Variants in STIM2 observed in about 807,000 individuals in gnomAD.
STIM2 encodes stromal interaction molecule 2.
A neutral mutation model predicts 85.8 loss-of-function variants in STIM2; 31 were observed. The observed-to-expected ratio is 0.36, with a 90% CI of 0.27 to 0.49. The LOEUF is 0.49. STIM2 is among the 20% of genes least tolerant of loss of function. STIM2 has a pLI of 0.98. For synonymous variants in STIM2, 356 were observed against 331.1 expected (o/e 1.08, Z -0.82); for missense variants, 841 against 927.6 (o/e 0.91, Z 1.21).
chr4:26,956,538 G>A (rs1726246502), intron 2 of STIM2, among the ~76,000 whole-genome samples: 1 of 151,532 alleles, frequency 6.6e-6, no homozygotes, highest in African/African-American at 2.4e-5. Flanking sequence ...CAAACTCCTG[G>A]GCTCAAGCAA....
intron 1 of STIM2, among the ~76,000 whole-genome samples, chr4:26,885,462 A>G (rs189334093): frequency 6.6e-6 from 1 of 152,286 alleles, no homozygotes; most frequent in East Asian, 1.9e-4. Context: ...AAATGGAGTC[A>G]TCAGCATATG....
chr4:26,923,535 A>T (rs1359507069), intron 2 of STIM2, among the ~76,000 whole-genome samples: 1 of 141,990 alleles, frequency 7.0e-6, no homozygotes, highest in African/African-American at 2.6e-5. Context: ...AGCGCTAAAC[A>T]TGGAAAGGAA....
At chr4:26,946,552 TTGTG>T (rs369625295) in intron 2 of STIM2, among the ~76,000 whole-genome samples, 8 of 152,132 alleles carry the variant, frequency 5.3e-5, no homozygotes, top group Admixed American at 5.2e-4. Flanking sequence ...CCTGACTAGT[TTGTG>T]TGTGTGTGTG....
chr4:27,018,653 A>G (rs1410288385), intron 11 of STIM2, among the ~76,000 whole-genome samples: 2 of 152,168 alleles, frequency 1.3e-5, no homozygotes, highest in Non-Finnish European at 2.9e-5. Context: ...GGAATTTGGG[A>G]GCCATCTTAG....
chr4:27,001,489 T>C (rs1728153261), intron 5 of STIM2, among the ~76,000 whole-genome samples: 1 of 152,188 alleles, frequency 6.6e-6, no homozygotes, highest in African/African-American at 2.4e-5. Flanking sequence ...TAACCCAGGC[T>C]TTATCAGCCT....
At chr4:26,955,990 A>G (rs925004320) in intron 2 of STIM2, among the ~76,000 whole-genome samples, 1 of 152,272 alleles carries the variant, frequency 6.6e-6, no homozygotes, top group Admixed American at 6.5e-5. Flanking sequence ...GTTTCAGTAG[A>G]CAGCAACTCT....
chr4:26,930,890 T>C lies in STIM2; in HGVS notation c.282+11256T>C, dbSNP rs183727385. Among the ~76,000 whole-genome samples the C allele has an allele frequency of 4.6e-3, 708 of 152,282 alleles. 23 individuals carry two copies. The highest frequency in any genetic ancestry group is 0.043 in the Admixed American group (657 of 15,290). ...ACTTAGTGGCTTAAAGCAACACACA[T>C]TTCTCATTTCATGGTTTCTGTGGGT... On this transcript the variant is annotated intron_variant, in intron 2 of 11. Coordinates refer to ENST00000467087, the MANE Select transcript of STIM2 (RefSeq NM_020860.4).
chr4:26,965,551 T>TGTTA (rs1726685552), intron 3 of STIM2, among the ~76,000 whole-genome samples: 1 of 152,156 alleles, frequency 6.6e-6, no homozygotes, highest in Non-Finnish European at 1.5e-5. Flanking sequence ...CATGATCTTA[T>TGTTA]GTTAGCATTT....
In STIM2 at chr4:26,863,814, G is replaced by A. The variant is rs557608715; in HGVS notation, c.151+2445G>A. On this transcript the variant is annotated intron_variant, in intron 1 of 11. Coordinates refer to ENST00000467087, the MANE Select transcript of STIM2 (RefSeq NM_020860.4). Reference sequence around the variant, plus strand: ...TTGGTCTCTTTGTCTCCTGATTAAAGTTGTGATTTAGCTGTGAGTATTCTC... The same window carrying A: ...TTGGTCTCTTTGTCTCCTGATTAAAATTGTGATTTAGCTGTGAGTATTCTC... 2.6e-5 allele frequency among the ~76,000 whole-genome samples: 4 copies of A among 152,226 alleles called. No homozygotes were observed. The East Asian group carries it at 7.7e-4, about 29-fold the overall frequency.
At chr4:26,918,337 C>T (rs1724669628) in intron 1 of STIM2, among the ~76,000 whole-genome samples, 1 of 151,218 alleles carries the variant, frequency 6.6e-6, no homozygotes, top group Non-Finnish European at 1.5e-5. Context: ...TTCTTAGGCC[C>T]TTATAGCTGC....
chr4:26,889,942 C>G (rs1723403465), intron 1 of STIM2, among the ~76,000 whole-genome samples: 1 of 152,200 alleles, frequency 6.6e-6, no homozygotes, highest in Non-Finnish European at 1.5e-5. Flanking sequence ...TTACCATTTT[C>G]CCAATTATGT....
At chr4:26,915,907 C>T (rs534522551) in intron 1 of STIM2, among the ~76,000 whole-genome samples, 62 of 152,240 alleles carry the variant, frequency 4.1e-4, no homozygotes, top group Non-Finnish European at 8.2e-4. Context: ...TTTAAATTAG[C>T]GAGTGAATTC....
intron 1 of STIM2, among the ~76,000 whole-genome samples, chr4:26,869,061 A>G (rs1722510355): frequency 1.3e-5 from 2 of 152,114 alleles, no homozygotes. Context: ...TTTCGAGGCC[A>G]AGATGGGCAG....
chr4:26,908,335 T>G (rs1301664228), intron 1 of STIM2, among the ~76,000 whole-genome samples: 1 of 152,190 alleles, frequency 6.6e-6, no homozygotes, highest in Non-Finnish European at 1.5e-5. Context: ...TGGGCTGAAT[T>G]TCAACAAAAC....
chr4:26,966,520 G>A (rs1266822011), intron 3 of STIM2, among the ~76,000 whole-genome samples: 1 of 152,036 alleles, frequency 6.6e-6, no homozygotes, highest in East Asian at 1.9e-4. Context: ...GCTTACTTAA[G>A]TCTTTTTCCC....
At chr4:26,873,709 A>T (rs1391186659) in intron 1 of STIM2, 1 of 842,658 alleles carries the variant, frequency 1.2e-6, no homozygotes, top group Non-Finnish European at 2.0e-6. Flanking sequence ...CTCTTGGGAC[A>T]GCTTCTGGAG....
intron 2 of STIM2, 54 bp downstream of exon 2, chr4:26,919,688 T>C: frequency 6.3e-7 from 1 of 1,585,196 alleles, no homozygotes; most frequent in Non-Finnish European, 8.6e-7. Flanking sequence ...TGACTGCATT[T>C]CTGTTTCTGG....
At chr4:26,906,286 T>TG (rs1374028103) in intron 1 of STIM2, among the ~76,000 whole-genome samples, 1 of 151,828 alleles carries the variant, frequency 6.6e-6, no homozygotes, top group East Asian at 1.9e-4. Flanking sequence ...GGGTGGAGGG[T>TG]GGGAGGGAGG....
At chr4:26,895,131 G>A (rs566162183) in intron 1 of STIM2, among the ~76,000 whole-genome samples, 28 of 152,356 alleles carry the variant, frequency 1.8e-4, no homozygotes, top group Non-Finnish European at 3.4e-4. Context: ...AGAATTGCTT[G>A]AACTTGGGAG....
Sources: allele counts gnomAD v4.1 joint callset (sites outside exome capture counted in the v4.1 genomes callset), GRCh38; gene constraint gnomAD v4.1.1; transcripts MANE v1.5; gene names NCBI Gene and HGNC (gene_info 2026-07-23, HGNC 2026-07-21).